The following ALPK2 variants were observed in gnomAD, a reference collection of about 807,000 sequenced individuals.
ALPK2 encodes alpha-protein kinase 2.
In ALPK2, 127 loss-of-function variants were observed where a neutral mutation model predicts 163.1. That is an observed-to-expected ratio of 0.78 (90% CI 0.67 to 0.90). The LOEUF (loss-of-function observed/expected upper bound fraction) is 0.90. Ranked by LOEUF, ALPK2 falls within the 40% of genes least tolerant of loss-of-function variation. The pLI is 0.00. For synonymous variants in ALPK2, 953 were observed against 959.1 expected (o/e 0.99, Z 0.12); for missense variants, 2,360 against 2,589.6 (o/e 0.91, Z 1.92).
In ALPK2 at chr18:58,557,669, C is replaced by CGT. The variant is rs5825292; in HGVS notation, c.1963-19447_1963-19446dup. 6.3e-4 allele frequency among the ~76,000 whole-genome samples: 94 copies of CGT among 150,018 alleles called. 2 individuals carry two copies. In the South Asian group the frequency reaches 0.011, roughly 18 times the overall value. On this transcript the variant is annotated intron_variant, in intron 4 of 12. Coordinates refer to ENST00000361673, the MANE Select transcript of ALPK2 (RefSeq NM_052947.4). The stretch of plus-strand genomic sequence containing the variant: ...GTGTATATATATACACATATATATA[C>CGT]GTGTGTGTGTGTGTGTGTGTATATA...
chr18:58,490,117 TA>T (rs1879703478), intron 12 of ALPK2, among the ~76,000 whole-genome samples: 1 of 152,108 alleles, frequency 6.6e-6, no homozygotes, highest in South Asian at 2.1e-4. Context: ...TTATTCAACC[TA>T]GGGTTTCCCA....
At chr18:58,529,401 G>A (rs555688668) in intron 5 of ALPK2, among the ~76,000 whole-genome samples, 163 bp from the exon 6 acceptor site, 2 of 152,028 alleles carry the variant, frequency 1.3e-5, no homozygotes, top group African/African-American at 4.8e-5. Flanking sequence ...CTAAATAGTC[G>A]GAAAATTTAC....
intron 1 of ALPK2, among the ~76,000 whole-genome samples, chr18:58,613,698 CAA>C (rs1223191157): frequency 1.9e-4 from 11 of 57,260 alleles, no homozygotes; most frequent in African/African-American, 7.5e-4. Context: ...GACTCCATCT[CAA>C]AAAAAAAAAA....
chr18:58,592,396 T>G (rs1171154120), intron 3 of ALPK2, among the ~76,000 whole-genome samples: 1 of 152,170 alleles, frequency 6.6e-6, no homozygotes, highest in Non-Finnish European at 1.5e-5. Flanking sequence ...GGCCTGGGCC[T>G]TCAGGAAATG....
At chr18:58,559,709 A>G (rs2051815621) in intron 4 of ALPK2, among the ~76,000 whole-genome samples, 1 of 152,120 alleles carries the variant, frequency 6.6e-6, no homozygotes. Flanking sequence ...TGCCAGGTAG[A>G]TTGCCATTTT....
At position 58,535,739 on chromosome 18, in the gene ALPK2, T is replaced by G. The variant is rs1295004063; in HGVS notation, c.4448A>C (p.Gln1483Pro). The G allele has an allele frequency of 6.2e-7, 1 of 1,614,226 alleles. No individual in the cohort carries two copies. Among genetic ancestry groups the G allele is most frequent in the South Asian group, 1.1e-5 (1 of 91,086 alleles). ...AATGGCAGTTTTTGCCTCCTCAGGT[T>G]GAATTTGTTCAGCCTCCTGCTTCAT... is the stretch of plus-strand genomic sequence containing the variant. Reference protein sequence around the residue: ...GSMKQEAEQIQPEEAKTAIWQ... With the variant: ...GSMKQEAEQIPPEEAKTAIWQ... The change falls in exon 5 of 13, where the codon CAA (glutamine) becomes CCA (proline). Residue 1483 changes from glutamine to proline, a missense_variant. Physicochemically the swap from Gln to Pro is moderately conservative, Grantham distance 76. Transcript: ENST00000361673.
intron 3 of ALPK2, among the ~76,000 whole-genome samples, chr18:58,594,621 T>G (rs1055583914): frequency 2.0e-5 from 3 of 152,164 alleles, no homozygotes; most frequent in African/African-American, 7.2e-5. Flanking sequence ...CTCTGCTAAT[T>G]CATCAAACAC....
intron 4 of ALPK2, among the ~76,000 whole-genome samples, chr18:58,551,504 A>G (rs772101098): frequency 2.0e-5 from 3 of 152,142 alleles, no homozygotes; most frequent in African/African-American, 4.8e-5. Context: ...TATCTTAGCT[A>G]ATTATATCTG....
At chr18:58,543,228 GC>G (rs2051700058) in intron 4 of ALPK2, 2 of 434,794 alleles carry the variant, frequency 4.6e-6, no homozygotes, top group Non-Finnish European at 6.1e-6. Flanking sequence ...CAAGATGCAG[GC>G]CCTCTGCCTG....
At chr18:58,484,279 C>A (rs967081365) in intron 12 of ALPK2, among the ~76,000 whole-genome samples, 4 of 152,186 alleles carry the variant, frequency 2.6e-5, no homozygotes, top group African/African-American at 9.7e-5. Flanking sequence ...CCTCCCTTCT[C>A]TAGAGCGCAC....
At chr18:58,619,210 A>C (rs1313524103) in intron 1 of ALPK2, among the ~76,000 whole-genome samples, 3 of 152,204 alleles carry the variant, frequency 2.0e-5, no homozygotes. Flanking sequence ...GTCAGCCCCA[A>C]GGCTGGGCAC....
intron 4 of ALPK2, among the ~76,000 whole-genome samples, chr18:58,546,379 C>T (rs576063454): frequency 1.5e-3 from 221 of 152,270 alleles, no homozygotes; most frequent in Non-Finnish European, 2.7e-3. Flanking sequence ...TTCCTAGGAG[C>T]TCTGTGAGTT....
At chr18:58,615,629 C>T (rs1815595125) in intron 1 of ALPK2, among the ~76,000 whole-genome samples, 1 of 152,194 alleles carries the variant, frequency 6.6e-6, no homozygotes, top group South Asian at 2.1e-4. Flanking sequence ...TGGGTTACCA[C>T]AATGATTCTT....
chr18:58,594,262 A>C (rs1024925043), intron 3 of ALPK2, among the ~76,000 whole-genome samples: 1 of 152,176 alleles, frequency 6.6e-6, no homozygotes, highest in South Asian at 2.1e-4. Flanking sequence ...TCTTTGAACA[A>C]GAAGTGGGCA....
At chr18:58,585,367 C>T (rs1165482205) in intron 3 of ALPK2, among the ~76,000 whole-genome samples, 2 of 151,964 alleles carry the variant, frequency 1.3e-5, no homozygotes, top group Non-Finnish European at 2.9e-5. Flanking sequence ...TATATTTTTC[C>T]AAGGCAAAGC....
chr18:58,489,212 G>T (rs1602182360), intron 12 of ALPK2, among the ~76,000 whole-genome samples: 1 of 152,186 alleles, frequency 6.6e-6, no homozygotes. Flanking sequence ...CACGTTGTGA[G>T]CCAGAGCAGG....
intron 4 of ALPK2, among the ~76,000 whole-genome samples, chr18:58,564,921 T>G (rs1400882444): frequency 6.6e-6 from 1 of 152,200 alleles, no homozygotes; most frequent in Non-Finnish European, 1.5e-5. Context: ...CCCCTCCAAA[T>G]GTTAGGTTCC....
chr18:58,605,452 T>C (rs1299373692), intron 3 of ALPK2, among the ~76,000 whole-genome samples: 1 of 152,142 alleles, frequency 6.6e-6, no homozygotes, highest in Non-Finnish European at 1.5e-5. Context: ...TTTCAACAAA[T>C]ATTTATGTTG....
chr18:58,511,083 T>G (rs931290594), intron 10 of ALPK2, among the ~76,000 whole-genome samples: 1 of 152,006 alleles, frequency 6.6e-6, no homozygotes. Context: ...TTATTGAGAG[T>G]TTTTAGCATG....
Sources: gnomAD v4.1 joint callset for allele counts (sites outside exome capture counted in the v4.1 genomes callset) on GRCh38, gnomAD v4.1.1 for gene constraint, MANE v1.5 for transcripts, NCBI Gene and HGNC (gene_info 2026-07-23, HGNC 2026-07-21) for gene names.